CHTF18: variants seen among roughly 807,000 people sequenced by gnomAD.
CHTF18 encodes the protein chromosome transmission fidelity factor 18, also known as chromosome transmission fidelity protein 18 homolog.
A neutral mutation model predicts 113.4 loss-of-function variants in CHTF18; 151 were observed. The ratio of observed to expected loss-of-function variants is 1.33; its 90% CI spans 1.17 to 1.52. The LOEUF (loss-of-function observed/expected upper bound fraction) is 1.52. Among genes scored for constraint, CHTF18 ranks in the 40% most tolerant of loss-of-function variants. The pLI is 0.00. For missense variants in CHTF18, 1,982 were observed against 1,381.6 expected (o/e 1.43, Z -6.89); for synonymous variants, 916 against 598.8 (o/e 1.53, Z -7.74).
Position 797,834 on chromosome 16 carries a change from C to T in CHTF18, c.2792-5C>T, listed in dbSNP as rs536685254. ...CAGCTGAGGAGCAACCCTGTGGCCC[C>T]GCAGGGGACACGGCCCCGGAGCAGG... is the stretch of plus-strand genomic sequence containing the variant. On this transcript the variant is annotated splice_polypyrimidine_tract_variant and splice_region_variant and intron_variant, in intron 21 of 21. Coordinates refer to ENST00000262315, the MANE Select transcript of CHTF18 (RefSeq NM_022092.3). The T allele has an allele frequency of 2.8e-5, 44 of 1,599,718 alleles. No individual in the cohort carries two copies. The highest frequency in any genetic ancestry group is 2.3e-4 in the African/African-American group (17 of 74,812).
rs764334963 is a variant in CHTF18, at chr16:793,224, A to G, written c.1752A>G (p.Arg584=). The change falls in exon 14 of 22, where the codon AGA becomes AGG. Residue 584 remains arginine (R), a synonymous_variant. Coordinates refer to ENST00000262315, the MANE Select transcript of CHTF18 (RefSeq NM_022092.3). The stretch of plus-strand genomic sequence containing the variant: ...GCGTGGGCCTCAAGGACCAGCGCAG[A>G]GGGCTCTTCTCGGTGTGGCAGGAGG... The part of the protein sequence containing the change: ...ATRVGLKDQR[R]GLFSVWQEVF... 3 of 1,608,776 alleles carry G rather than the reference A, an allele frequency of 1.9e-6. No homozygotes were observed. The highest frequency in any genetic ancestry group is 2.5e-6 in the Non-Finnish European group (3 of 1,178,896).
At chr16:794,446 C>T (rs889776057) in intron 15 of CHTF18, among the ~76,000 whole-genome samples, 2 of 152,050 alleles carry the variant, frequency 1.3e-5, no homozygotes, top group Non-Finnish European at 2.9e-5. Flanking sequence ...CGGGGGAGGT[C>T]GCTCTGGTGG....
In CHTF18 at chr16:797,718, G is replaced by A. The variant is rs751954866; in HGVS notation, c.2758G>A (p.Val920Met). The A allele has an allele frequency of 1.2e-6, 2 of 1,611,200 alleles. No individual in the cohort carries two copies. Among genetic ancestry groups the A allele is most frequent in the Non-Finnish European group, 1.7e-6 (2 of 1,179,660 alleles). ...EQPEKDFFGR[V>M]VVRSTAVPSA... ...GCCTGAGAAGGACTTCTTTGGACGTGTGGTCGTCAGGAGCACAGCAGTCCC... is the reference window on the plus strand; with the variant it reads ...GCCTGAGAAGGACTTCTTTGGACGTATGGTCGTCAGGAGCACAGCAGTCCC... The change falls in exon 21 of 22, where the codon GTG (valine) becomes ATG (methionine). Residue 920 changes from valine to methionine, a missense_variant. Coordinates refer to ENST00000262315, the MANE Select transcript of CHTF18 (RefSeq NM_022092.3).
chr16:789,277 G>C lies in CHTF18; in HGVS notation c.354G>C (p.Glu118Asp). Residue 118 changes from glutamate (E) to aspartate (D), a missense_variant, in exon 3 of 22, where the codon GAG (glutamate) becomes GAC (aspartate). Coordinates refer to ENST00000262315, the MANE Select transcript of CHTF18 (RefSeq NM_022092.3). ...TGAACTTCAGATCGGAGGAGATGGA[G>C]GAGCCGCCCCCTCCCGACTCCTCGC... Reference protein sequence around the residue: ...KRLNFRSEEMEEPPPPDSSPT... With the variant: ...KRLNFRSEEMDEPPPPDSSPT... 6.3e-7 allele frequency: 1 copy of C among 1,575,780 alleles called. No individual in the cohort carries two copies. The highest frequency in any genetic ancestry group is 8.6e-7 in the Non-Finnish European group (1 of 1,162,090).
intron 18 of CHTF18, 76 bp downstream of exon 18, chr16:796,153 G>A (rs1015859420): frequency 6.5e-7 from 1 of 1,527,368 alleles, no homozygotes; most frequent in African/African-American, 1.4e-5. Flanking sequence ...GCCCGCATGG[G>A]GCCAGGAGTC....
chr16:789,031 T>C lies in CHTF18; in HGVS notation c.192T>C (p.Ser64=), dbSNP rs777115151. Residue 64 remains serine (S), a synonymous_variant, in exon 2 of 22, where the codon AGT becomes AGC. Transcript: ENST00000262315. ...TTGCCAGAGGGGACGCGGCCTCCAGTCCCGCCCCAGCCGCATCTGTGGGCA... is the reference window on the plus strand; with the variant it reads ...TTGCCAGAGGGGACGCGGCCTCCAGCCCCGCCCCAGCCGCATCTGTGGGCA... ...EALARGDAAS[S]PAPAASVGSS... 1.6e-5 allele frequency: 24 copies of C among 1,534,766 alleles called. No homozygotes were observed. The highest frequency in any genetic ancestry group is 2.1e-5 in the Non-Finnish European group (24 of 1,141,412).
At position 795,367 on chromosome 16, in the gene CHTF18, C is replaced by A; in HGVS notation, c.2175+11C>A. 1.3e-6 allele frequency: 2 copies of A among 1,538,296 alleles called. No individual in the cohort carries two copies. Among genetic ancestry groups the A allele is most frequent in the Non-Finnish European group, 1.8e-6 (2 of 1,140,662 alleles). On this transcript the variant is annotated intron_variant, in intron 16 of 21. Transcript: ENST00000262315. ...AGCAGCCAGCAGGAGGTGTGCTCGT[C>A]CCTGCACCACGCCTGCCCCCGGCCC... is the stretch of plus-strand genomic sequence containing the variant.
intron 20 of CHTF18, 62 bp from the exon 21 acceptor site, chr16:797,632 C>A: frequency 6.4e-7 from 1 of 1,573,794 alleles, no homozygotes; most frequent in Middle Eastern, 1.9e-4. Flanking sequence ...GTCCTCCTGT[C>A]TTGGGTAGGG....
chr16:789,287 C>T lies in CHTF18; in HGVS notation c.364C>T (p.Pro122Ser). 6.3e-7 allele frequency: 1 copy of T among 1,586,542 alleles called. No homozygotes were observed. The highest frequency in any genetic ancestry group is 8.6e-7 in the Non-Finnish European group (1 of 1,168,062). The change falls in exon 3 of 22, where the codon CCT (proline) becomes TCT (serine). Residue 122 changes from proline (P) to serine (S), a missense_variant. Physicochemically the swap from Pro to Ser is moderately conservative, Grantham distance 74 (BLOSUM62 -1). Transcript: ENST00000262315. ...FRSEEMEEPP[P>S]PDSSPTDITP... ...ATCGGAGGAGATGGAGGAGCCGCCCCCTCCCGACTCCTCGCCGACGGACAT... is the reference window on the plus strand; with the variant it reads ...ATCGGAGGAGATGGAGGAGCCGCCCTCTCCCGACTCCTCGCCGACGGACAT...
intron 18 of CHTF18, among the ~76,000 whole-genome samples, chr16:796,326 G>T (rs1440771165): frequency 6.6e-6 from 1 of 152,250 alleles, no homozygotes; most frequent in Non-Finnish European, 1.5e-5. Flanking sequence ...TGGAACTGGA[G>T]CCGGGGGCCC....
intron 8 of CHTF18, 92 bp downstream of exon 8, chr16:791,462 C>T (rs1002628831): frequency 1.8e-5 from 27 of 1,471,504 alleles, no homozygotes; most frequent in East Asian, 7.4e-5. Flanking sequence ...CTCCAGGAGC[C>T]GTGGGTGTGG....
chr16:794,595 C>A (rs192986150), intron 15 of CHTF18: 41 of 263,058 alleles, frequency 1.6e-4, no homozygotes, highest in Admixed American at 3.0e-4. Context: ...GCCCTGCCCG[C>A]GGGAGTCCCC....
At position 794,205 on chromosome 16, in the gene CHTF18, C is replaced by T. The variant is rs570935093; in HGVS notation, c.1950+4C>T. 1.8e-5 allele frequency: 29 copies of T among 1,609,396 alleles called. No individual in the cohort carries two copies. In the South Asian group the frequency reaches 2.7e-4, roughly 15 times the overall value. ...CGAGCACGAGAAGGTGGTCCAGGTACCTGTCTTCCACCAAAATGCCTGCCT... is the reference window on the plus strand; with the variant it reads ...CGAGCACGAGAAGGTGGTCCAGGTATCTGTCTTCCACCAAAATGCCTGCCT... On this transcript the variant is annotated splice_donor_region_variant and intron_variant, in intron 15 of 21. Transcript: ENST00000262315.
chr16:795,215 C>A lies in CHTF18; in HGVS notation c.2034C>A (p.Phe678Leu). ...GTGTGGCCCTCGACTGGCTGGCCTT[C>A]GATGACCTGCTGGCGGGGGCTGCTC... ...AVCVALDWLA[F>L]DDLLAGAAHH... Residue 678 changes from phenylalanine (F) to leucine (L), a missense_variant, in exon 16 of 22, where the codon TTC (phenylalanine) becomes TTA (leucine). Physicochemically the swap from Phe to Leu is conservative, Grantham distance 22. Transcript: ENST00000262315. The A allele has an allele frequency of 1.3e-6, 2 of 1,554,604 alleles. No homozygotes were observed. The highest frequency in any genetic ancestry group is 1.7e-6 in the Non-Finnish European group (2 of 1,149,398).
In CHTF18 at chr16:792,975, C is replaced by T. The variant is rs770217492; in HGVS notation, c.1582C>T (p.Arg528Trp). The T allele has an allele frequency of 2.8e-5, 43 of 1,558,046 alleles. No homozygotes were observed. The highest frequency in any genetic ancestry group is 1.5e-4 in the East Asian group (6 of 41,256). The change falls in exon 13 of 22, where the codon CGG becomes TGG. Residue 528 changes from arginine (R) to tryptophan (W), a missense_variant. Transcript: ENST00000262315. ...LVQRLQEVSL[R>W]QGMRADPGVL... is the part of the protein sequence containing the mutation. ...AGCCCTTCTCCACCAGGTCTCCCTG[C>T]GGCAGGGCATGAGGGCCGACCCAGG...
In CHTF18 at chr16:795,449, C is replaced by CTGTG. The variant is rs1348068000; in HGVS notation, c.2175+93_2175+94insTGTG. ...TGCCCCCGGCCCCGTGCCCGCCCCCCCAAACACACTGCCCGTGTGGCTGCC... is the reference window on the plus strand; with the variant it reads ...TGCCCCCGGCCCCGTGCCCGCCCCCCTGTGCAAACACACTGCCCGTGTGGCTGCC... On this transcript the variant is annotated intron_variant, in intron 16 of 21. Transcript: ENST00000262315. 1.4e-3 allele frequency: 695 copies of CTGTG among 505,168 alleles called. 19 individuals are homozygous for CTGTG. The highest frequency in any genetic ancestry group is 7.4e-3 in the Admixed American group (182 of 24,440). The allele number at this position is 505,168 out of a possible 1,614,324, so 31.3% of individuals were successfully genotyped here.
In CHTF18 at chr16:796,754, G is replaced by A. The variant is rs946048231; in HGVS notation, c.2494G>A (p.Ala832Thr). ...ACTCTGCCGCTTCCCTGAGCTGCCT[G>A]CCCGCAAGCCCCTCACCTACCAGAC... is the stretch of plus-strand genomic sequence containing the variant. ...EELCRFPELP[A>T]RKPLTYQTKQ... The change falls in exon 19 of 22, where the codon GCC (alanine) becomes ACC (threonine). Residue 832 changes from alanine to threonine, a missense_variant. Coordinates refer to ENST00000262315, the MANE Select transcript of CHTF18 (RefSeq NM_022092.3). The A allele has an allele frequency of 2.5e-6, 4 of 1,606,766 alleles. No individual in the cohort carries two copies. The highest frequency in any genetic ancestry group is 3.4e-6 in the Non-Finnish European group (4 of 1,179,490).
rs748907950 is a variant in CHTF18, at chr16:789,019, C to T, written c.180C>T (p.Asp60=). ...RTFEEALARG[D]AASSPAPAAS... ...TCGAGGAGGCCCTTGCCAGAGGGGA[C>T]GCGGCCTCCAGTCCCGCCCCAGCCG... The change falls in exon 2 of 22, where the codon GAC becomes GAT. Residue 60 remains aspartate, a synonymous_variant. Coordinates refer to ENST00000262315, the MANE Select transcript of CHTF18 (RefSeq NM_022092.3). The T allele has an allele frequency of 3.2e-6, 5 of 1,539,268 alleles. No homozygotes were observed. Among genetic ancestry groups the T allele is most frequent in the Non-Finnish European group, 4.4e-6 (5 of 1,145,066 alleles).
At chr16:795,921 C>T (rs148668084) in intron 17 of CHTF18, 26 bp from the exon 18 acceptor site, 68 of 1,602,810 alleles carry the variant, frequency 4.2e-5, no homozygotes, top group Non-Finnish European at 5.3e-5. Flanking sequence ...TGCTCAGCTC[C>T]CTGTCTGCTG....
Sources: allele counts gnomAD v4.1 joint callset (sites outside exome capture counted in the v4.1 genomes callset), GRCh38; gene constraint gnomAD v4.1.1; transcripts MANE v1.5; gene names NCBI Gene and HGNC (gene_info 2026-07-23, HGNC 2026-07-21).